The following MIER1 variants were observed in gnomAD, a reference collection of about 807,000 sequenced individuals.
The protein encoded by MIER1 is mesoderm induction early response protein 1.
MIER1 carries 40 observed loss-of-function variants against 75.7 expected under a neutral mutation model. The ratio of observed to expected loss-of-function variants is 0.53; its 90% CI spans 0.41 to 0.69. MIER1 has a LOEUF of 0.69. Ranked by LOEUF, MIER1 falls within the 30% of genes least tolerant of loss-of-function variation. The probability of loss-of-function intolerance (pLI) is 0.00; values close to 1 mark genes in which losing one functional copy is unlikely to be tolerated. For missense variants in MIER1, 574 were observed against 680.2 expected, an observed-to-expected ratio of 0.84 and a Z score of 1.74; for synonymous variants, 213 against 223.4, an observed-to-expected ratio of 0.95 and a Z score of 0.42.
intron 3 of MIER1, among the ~76,000 whole-genome samples, chr1:66,942,794 G>A (rs1223756930): frequency 2.0e-5 from 3 of 151,646 alleles, no homozygotes; most frequent in Non-Finnish European, 4.4e-5. Context: ...AGTGAGACAG[G>A]AAGTAGTTCA....
intron 12 of MIER1, among the ~76,000 whole-genome samples, chr1:66,977,815 CAAAATAA>C (rs1349016089): frequency 3.3e-5 from 5 of 151,578 alleles, no homozygotes; most frequent in South Asian, 4.2e-4. Flanking sequence ...AAAAATAATG[CAAAATAA>C]AAAATAAAAA....
chr1:66,980,680 C>A (rs555428445), intron 12 of MIER1, among the ~76,000 whole-genome samples: 70 of 152,182 alleles, frequency 4.6e-4, no homozygotes, highest in African/African-American at 1.6e-3. Flanking sequence ...ATAAATAACA[C>A]AATTAGAATT....
At chr1:66,934,791 G>A (rs1654367774) in intron 2 of MIER1, among the ~76,000 whole-genome samples, 1 of 152,046 alleles carries the variant, frequency 6.6e-6, no homozygotes, top group Non-Finnish European at 1.5e-5. Context: ...TTATACCCCA[G>A]AATTCCTGAG....
intron 12 of MIER1, among the ~76,000 whole-genome samples, chr1:66,979,561 T>G (rs1242330039): frequency 6.6e-6 from 1 of 152,204 alleles, no homozygotes; most frequent in Non-Finnish European, 1.5e-5. Flanking sequence ...AACTAAACAT[T>G]AACTCAGCAT....
In MIER1 at chr1:66,986,266, T is replaced by C; in HGVS notation, c.*1366T>C. ...GTGTGATTACAGATAGGATTATCCATCTGCATAGCCTTGTAAAAGTGCCAT... is the reference window on the plus strand; with the variant it reads ...GTGTGATTACAGATAGGATTATCCACCTGCATAGCCTTGTAAAAGTGCCAT... On this transcript the variant is annotated 3_prime_UTR_variant, in exon 14 of 14. Coordinates refer to ENST00000401041, the MANE Select transcript of MIER1 (RefSeq NM_001077700.3). 1.4e-6 allele frequency: 2 copies of C among 1,405,730 alleles called. No individual in the cohort carries two copies. The highest frequency in any genetic ancestry group is 1.7e-5 in the South Asian group (1 of 57,620). 87.1% of individuals were successfully genotyped at this position (1,405,730 alleles called of 1,614,324 possible).
At chr1:66,951,536 C>A (rs758939657) in intron 4 of MIER1, among the ~76,000 whole-genome samples, 2 of 151,668 alleles carry the variant, frequency 1.3e-5, no homozygotes, top group Non-Finnish European at 2.9e-5. Context: ...CAACTCATTT[C>A]TTAAAATACA....
rs1385392051 is a variant in MIER1, at chr1:66,987,733, T to C, written c.*2833T>C. 6.7e-6 allele frequency: 1 copy of C among 148,882 alleles called. No individual in the cohort carries two copies. Among genetic ancestry groups the C allele is most frequent in the Non-Finnish European group, 1.5e-5 (1 of 67,480 alleles). 9.2% of individuals were successfully genotyped at this position (148,882 alleles called of 1,614,324 possible). On this transcript the variant is annotated 3_prime_UTR_variant, in exon 14 of 14. Coordinates refer to ENST00000401041, the MANE Select transcript of MIER1 (RefSeq NM_001077700.3). ...TTCACTAAGATTTTATTAGAGATTG[T>C]TTGAATGATGCATGTTATTGACAAG...
At chr1:66,931,701 C>T (rs1475986220) in intron 2 of MIER1, among the ~76,000 whole-genome samples, 2 of 152,108 alleles carry the variant, frequency 1.3e-5, no homozygotes, top group Non-Finnish European at 2.9e-5. Flanking sequence ...GAACGTAGTA[C>T]TTTCTGTTTC....
chr1:66,985,155 T>G lies in MIER1; in HGVS notation c.*255T>G. 9.6e-7 allele frequency: 1 copy of G among 1,040,328 alleles called. No homozygotes were observed. Among genetic ancestry groups the G allele is most frequent in the East Asian group, 5.9e-5 (1 of 16,910 alleles). The allele number at this position is 1,040,328 out of a possible 1,614,324, so 64.4% of individuals were successfully genotyped here. On this transcript the variant is annotated 3_prime_UTR_variant, in exon 14 of 14. Transcript: ENST00000401041. ...AAAGATATATCTCTACCTTCTCATTTGAATATCTTTAGTTCATTCAGATTT... is the reference window on the plus strand; with the variant it reads ...AAAGATATATCTCTACCTTCTCATTGGAATATCTTTAGTTCATTCAGATTT...
intron 13 of MIER1, 46 bp downstream of exon 13, chr1:66,981,964 C>A (rs374876422): frequency 6.2e-7 from 1 of 1,600,432 alleles, no homozygotes; most frequent in South Asian, 1.1e-5. Context: ...ATAAGGGACA[C>A]TTTCTTGCAG....
chr1:66,958,786 C>T (rs1487691262), intron 5 of MIER1, 65 bp from the exon 6 acceptor site: 1 of 1,343,966 alleles, frequency 7.4e-7, no homozygotes, highest in African/African-American at 1.5e-5. Flanking sequence ...AATTTATATG[C>T]TATGGTCTTT....
intron 8 of MIER1, among the ~76,000 whole-genome samples, chr1:66,964,383 T>C (rs1661910347): frequency 6.6e-6 from 1 of 151,722 alleles, no homozygotes. Flanking sequence ...GAAGATTTTT[T>C]TTAAAGAGTC....
Position 66,925,069 on chromosome 1 carries a change from G to C in MIER1, c.41G>C (p.Gly14Ala). 1 of 1,548,140 alleles carries C rather than the reference G, an allele frequency of 6.5e-7. No homozygotes were observed. The highest frequency in any genetic ancestry group is 8.7e-7 in the Non-Finnish European group (1 of 1,145,954). ...ASSGGGGSSE[G>A]GGGSSGSGYG... ...TCAGGCGGTGGCGGCAGCAGCGAAG[G>C]TGGCGGCGGCAGCAGCGGCAGCGGC... The change falls in exon 1 of 14, where the codon GGT (glycine) becomes GCT (alanine). Residue 14 changes from glycine (G) to alanine (A), a missense_variant. Gly to Ala is a moderately conservative substitution (Grantham distance 60). This residue lies in a region of MIER1 where 309 missense variants were observed against 352.8 expected (regional missense o/e 0.88). Coordinates refer to ENST00000401041, the MANE Select transcript of MIER1 (RefSeq NM_001077700.3).
chr1:66,961,727 G>A (rs1212332074), intron 7 of MIER1, among the ~76,000 whole-genome samples: 1 of 152,174 alleles, frequency 6.6e-6, no homozygotes, highest in Non-Finnish European at 1.5e-5. Context: ...ACTTGACAAT[G>A]TTCTTTGGTA....
rs562625821 is a variant in MIER1, at chr1:66,967,001, T to C, written c.773-3807T>C. Among the ~76,000 whole-genome samples, 6 of 152,312 alleles carry C rather than the reference T, an allele frequency of 3.9e-5. No individual in the cohort carries two copies. In the East Asian group the frequency reaches 1.2e-3, roughly 29 times the overall value. Reference sequence around the variant, plus strand: ...ATTGTTTCCTTTGCTGTGCAAAAGCTTGTTAACTTAATATGATCCTATTTG... The same window carrying C: ...ATTGTTTCCTTTGCTGTGCAAAAGCCTGTTAACTTAATATGATCCTATTTG... On this transcript the variant is annotated intron_variant, in intron 8 of 13. Transcript: ENST00000401041.
At chr1:66,983,828 A>G (rs1226107168) in intron 13 of MIER1, among the ~76,000 whole-genome samples, 1 of 152,202 alleles carries the variant, frequency 6.6e-6, no homozygotes, top group African/African-American at 2.4e-5. Flanking sequence ...CCTGGGTTCA[A>G]GTGATTCTGC....
rs773280042 is a variant in MIER1, at chr1:66,971,744, T to C, written c.1006+8T>C. 5.8e-6 allele frequency: 8 copies of C among 1,375,384 alleles called. No individual in the cohort carries two copies. The East Asian group carries it at 1.6e-4, about 28-fold the overall frequency. 85.2% of individuals were successfully genotyped at this position (1,375,384 alleles called of 1,614,324 possible). On this transcript the variant is annotated splice_region_variant and intron_variant, in intron 10 of 13. Coordinates refer to ENST00000401041, the MANE Select transcript of MIER1 (RefSeq NM_001077700.3). ...ATGTAAAAGCAGCTAGAGGTAAGTA[T>C]AGTTTTTATTCATTTTCATGATTTG...
At chr1:66,936,386 T>TA (rs529290454) in intron 2 of MIER1, among the ~76,000 whole-genome samples, 266 of 142,636 alleles carry the variant, frequency 1.9e-3, no homozygotes, top group African/African-American at 2.2e-3. Flanking sequence ...AATTTTTTAT[T>TA]AAAAAAAAAA....
chr1:66,959,971 G>A (rs1660940952), intron 7 of MIER1: 4 of 248,642 alleles, frequency 1.6e-5, no homozygotes, highest in Non-Finnish European at 2.3e-5. Context: ...TGTTATCCCA[G>A]CACTTGGGAG....
Sources: gnomAD v4.1 joint callset for allele counts (sites outside exome capture counted in the v4.1 genomes callset) on GRCh38, gnomAD v4.1.1 for gene constraint, gnomAD v4.1.1 regional missense constraint, MANE v1.5 for transcripts, NCBI Gene and HGNC (gene_info 2026-07-23, HGNC 2026-07-21) for gene names.